CHKA: variants seen among roughly 807,000 people sequenced by gnomAD.
CHKA encodes the protein choline kinase alpha, also known as CHETK-alpha.
Under a neutral mutation model 60.1 loss-of-function variants are expected in CHKA, and 34 were observed. That is an observed-to-expected ratio of 0.57 (90% confidence interval 0.43 to 0.75). The LOEUF (loss-of-function observed/expected upper bound fraction) is 0.75, where lower values mean the gene tolerates loss of function less well. Among genes scored for constraint, CHKA ranks in the 30% least tolerant of loss-of-function variants. The probability of loss-of-function intolerance (pLI) is 0.00; values close to 1 mark genes in which losing one functional copy is unlikely to be tolerated. For synonymous variants in CHKA, 217 were observed against 223.1 expected (o/e 0.97, Z 0.24); for missense variants, 563 against 561.3 (o/e 1.00, Z -0.03).
chr11:68,085,831 T>G (rs1386460353), intron 2 of CHKA, among the ~76,000 whole-genome samples: 1 of 152,084 alleles, frequency 6.6e-6, no homozygotes, highest in Non-Finnish European at 1.5e-5. Context: ...TGGTGCAATC[T>G]CAGCTCACTG....
At position 68,121,158 on chromosome 11, in the gene CHKA, G is replaced by T; in HGVS notation, c.20C>A (p.Thr7Asn). 1 of 1,208,634 alleles carries T rather than the reference G, an allele frequency of 8.3e-7. No individual in the cohort carries two copies. Among genetic ancestry groups the T allele is most frequent in the Non-Finnish European group, 1.0e-6 (1 of 964,212 alleles). The allele number at this position is 1,208,634 out of a possible 1,614,324, so 74.9% of individuals were successfully genotyped here. ...CGGCGAGGGCTCCGCCTCGCCCCCG[G>T]TGCAGAATTTGGTTTTCATGCCCGA... MKTKFCTGGEAEPSPLG... is the reference protein window; with the variant it reads MKTKFCNGGEAEPSPLG... Residue 7 changes from threonine to asparagine, a missense_variant, in exon 1 of 12, where the codon ACC (threonine) becomes AAC (asparagine). By Grantham distance (65) the Thr-to-Asn change is moderately conservative. Transcript: ENST00000265689.
At chr11:68,091,228 C>G (rs1857339534) in intron 2 of CHKA, among the ~76,000 whole-genome samples, 1 of 152,228 alleles carries the variant, frequency 6.6e-6, no homozygotes, top group Non-Finnish European at 1.5e-5. Context: ...ATTAAATTAT[C>G]CTCCTTTAGT....
At chr11:68,084,296 G>A (rs1159378875) in intron 2 of CHKA, among the ~76,000 whole-genome samples, 3 of 137,758 alleles carry the variant, frequency 2.2e-5, no homozygotes, top group East Asian at 2.1e-4. Flanking sequence ...ATATATATAC[G>A]TATATGTGTA....
In CHKA at chr11:68,069,044, C is replaced by G. The variant is rs1037643755; in HGVS notation, c.870-107G>C. 3.9e-6 allele frequency: 3 copies of G among 760,870 alleles called. No homozygotes were observed. In the African/African-American group the frequency reaches 5.2e-5, roughly 13 times the overall value. 47.1% of individuals were successfully genotyped at this position (760,870 alleles called of 1,614,324 possible). A position where few individuals can be genotyped will look rare whatever the true frequency, so the allele number is the denominator to read the frequency against. ...CAAATTCGTGCTCCAAAGCAACACA[C>G]AGTTTCAGAGTAGTATCTGTGATGT... is the stretch of plus-strand genomic sequence containing the variant. On this transcript the variant is annotated intron_variant, in intron 6 of 11. Transcript: ENST00000265689.
chr11:68,114,885 A>C (rs1378312974), intron 1 of CHKA, among the ~76,000 whole-genome samples: 1 of 152,144 alleles, frequency 6.6e-6, no homozygotes, highest in Non-Finnish European at 1.5e-5. Context: ...TTAGGAGGGA[A>C]AGAGGGATAA....
intron 3 of CHKA, among the ~76,000 whole-genome samples, chr11:68,079,771 G>A (rs1286913137): frequency 6.6e-6 from 1 of 152,230 alleles, no homozygotes; most frequent in East Asian, 1.9e-4. Context: ...GGGCATGTGA[G>A]ACATCCGAGG....
chr11:68,108,827 C>G (rs1236395408), intron 1 of CHKA, among the ~76,000 whole-genome samples: 1 of 152,156 alleles, frequency 6.6e-6, no homozygotes, highest in Non-Finnish European at 1.5e-5. Flanking sequence ...TCACAGTTTA[C>G]TGGAGCAAAA....
Position 68,121,244 on chromosome 11 carries a change from G to C in CHKA, c.-67C>G. The C allele has an allele frequency of 2.8e-6, 3 of 1,071,748 alleles. No individual in the cohort carries two copies. The highest frequency in any genetic ancestry group is 4.0e-5 in the South Asian group (1 of 24,962). The allele number at this position is 1,071,748 out of a possible 1,614,324, so 66.4% of individuals were successfully genotyped here. ...AGAGGACTAGGCTCAGAGTCCGGCC[G>C]GGCGCCCCCTCGCCGCTCTCTCACT... is the stretch of plus-strand genomic sequence containing the variant. On this transcript the variant is annotated 5_prime_UTR_variant, in exon 1 of 12. Transcript: ENST00000265689.
intron 2 of CHKA, among the ~76,000 whole-genome samples, chr11:68,086,726 G>A (rs969122768): frequency 1.3e-5 from 2 of 152,134 alleles, no homozygotes; most frequent in African/African-American, 2.4e-5. Context: ...GGTGGCTCAC[G>A]CCTGTAATCC....
chr11:68,074,326 G>C (rs750978328), intron 4 of CHKA, among the ~76,000 whole-genome samples: 1 of 152,084 alleles, frequency 6.6e-6, no homozygotes, highest in Non-Finnish European at 1.5e-5. Context: ...AAGGGTGATG[G>C]GAAAGAACAG....
chr11:68,056,778 G>C (rs768123828), intron 11 of CHKA, among the ~76,000 whole-genome samples: 1 of 152,060 alleles, frequency 6.6e-6, no homozygotes, highest in African/African-American at 2.4e-5. Context: ...GGAAGGTTGA[G>C]ACAAGAGGAT....
Position 68,121,133 on chromosome 11 carries a change from C to A in CHKA, c.45G>T (p.Pro15=). Residue 15 remains proline, a synonymous_variant, in exon 1 of 12, where the codon CCG becomes CCT. Transcript: ENST00000265689. Reference sequence around the variant, plus strand: ...TACCGCAGCTCAGCAGCAGCCCGAGCGGCGAGGGCTCCGCCTCGCCCCCGG... The same window carrying A: ...TACCGCAGCTCAGCAGCAGCCCGAGAGGCGAGGGCTCCGCCTCGCCCCCGG... The part of the protein sequence containing the change: ...FCTGGEAEPS[P]LGLLLSCGSG... 1 of 1,209,032 alleles carries A rather than the reference C, an allele frequency of 8.3e-7. No homozygotes were observed. The allele number at this position is 1,209,032 out of a possible 1,614,324, so 74.9% of individuals were successfully genotyped here.
At chr11:68,088,112 A>AG (rs1183957802) in intron 2 of CHKA, among the ~76,000 whole-genome samples, 4 of 33,042 alleles carry the variant, frequency 1.2e-4, no homozygotes, top group Admixed American at 5.0e-4. Flanking sequence ...GGCTGTCTCA[A>AG]AAAAAAAAAA....
At chr11:68,113,722 C>T (rs1476760526) in intron 1 of CHKA, among the ~76,000 whole-genome samples, 1 of 151,424 alleles carries the variant, frequency 6.6e-6, no homozygotes, top group Non-Finnish European at 1.5e-5. Flanking sequence ...CAGCCAGGCG[C>T]GATGGCTCAT....
At chr11:68,080,804 G>A (rs1322678013) in intron 3 of CHKA, among the ~76,000 whole-genome samples, 1 of 152,212 alleles carries the variant, frequency 6.6e-6, no homozygotes, top group East Asian at 1.9e-4. Flanking sequence ...AGGTGCTTAC[G>A]CTGGGGCATG....
At chr11:68,099,862 G>A (rs140928499) in intron 1 of CHKA, among the ~76,000 whole-genome samples, 5 of 152,286 alleles carry the variant, frequency 3.3e-5, no homozygotes, top group East Asian at 1.9e-4. Context: ...GTTTACCCCC[G>A]TACTGCTAAA....
Position 68,120,886 on chromosome 11 carries a change from A to G in CHKA, c.292T>C (p.Phe98Leu). 1 of 1,350,686 alleles carries G rather than the reference A, an allele frequency of 7.4e-7. No individual in the cohort carries two copies. The highest frequency in any genetic ancestry group is 3.6e-5 in the East Asian group (1 of 27,820). The allele number at this position is 1,350,686 out of a possible 1,614,324, so 83.7% of individuals were successfully genotyped here. ...AGGCCCCGCCAGGCGCCGGGCAGGA[A>G]CTCCTTGCACCACAGATAGGCCCTG... ...RRRAYLWCKE[F>L]LPGAWRGLRE... The change falls in exon 1 of 12, where the codon TTC becomes CTC. Residue 98 changes from phenylalanine (F) to leucine (L), a missense_variant. Physicochemically the swap from Phe to Leu is conservative, Grantham distance 22. Transcript: ENST00000265689.
In CHKA at chr11:68,094,818, T is replaced by C. The variant is rs146877093; in HGVS notation, c.462+2201A>G. On this transcript the variant is annotated intron_variant, in intron 2 of 11. Coordinates refer to ENST00000265689, the MANE Select transcript of CHKA (RefSeq NM_001277.3). Reference sequence around the variant, plus strand: ...TGGAATAGCTACGTACCTTCAAACATACTAACTTGTTCCCAGCATTTTTAG... The same window carrying C: ...TGGAATAGCTACGTACCTTCAAACACACTAACTTGTTCCCAGCATTTTTAG... 3.2e-3 allele frequency among the ~76,000 whole-genome samples: 485 copies of C among 152,302 alleles called. 2 individuals carry two copies. Among genetic ancestry groups the C allele is most frequent in the African/African-American group, 0.011 (452 of 41,570 alleles).
At chr11:68,100,634 T>C (rs1335780327) in intron 1 of CHKA, among the ~76,000 whole-genome samples, 2 of 150,188 alleles carry the variant, frequency 1.3e-5, no homozygotes, top group Non-Finnish European at 3.0e-5. Context: ...AATAAATAAA[T>C]ACAAGAGCGA....
Sources: allele counts gnomAD v4.1 joint callset (sites outside exome capture counted in the v4.1 genomes callset), GRCh38; gene constraint gnomAD v4.1.1; transcripts MANE v1.5; gene names NCBI Gene and HGNC (gene_info 2026-07-23, HGNC 2026-07-21).